COL4A5: variants seen among roughly 807,000 people sequenced by gnomAD.
COL4A5 encodes collagen type IV alpha 5 chain, also known as collagen alpha-5(IV) chain.
A neutral mutation model predicts 130.2 loss-of-function variants in COL4A5; 26 were observed. That is an observed-to-expected ratio of 0.20 (90% CI 0.15 to 0.28). The LOEUF (loss-of-function observed/expected upper bound fraction) is 0.28, where lower values mean the gene tolerates loss of function less well. COL4A5 is among the 10% of genes least tolerant of loss of function. The probability of loss-of-function intolerance (pLI) is 1.00; values close to 1 mark genes in which losing one functional copy is unlikely to be tolerated. For missense variants in COL4A5, 1,131 were observed against 1,344.3 expected (o/e 0.84, Z 2.48); for synonymous variants, 496 against 439.6 (o/e 1.13, Z -1.60).
intron 1 of COL4A5, among the ~76,000 whole-genome samples, chrX:108,523,506 T>C (rs2065286067): frequency 8.9e-6 from 1 of 112,328 alleles, no homozygotes; most frequent in East Asian, 2.8e-4. Flanking sequence ...TTGTAGCAAA[T>C]TTTGAAATTG....
chrX:108,666,533 C>A lies in COL4A5; in HGVS notation c.3492C>A (p.Gly1164=), dbSNP rs967018326. ...ATCCTGGGCAACCAGGGCCTCCAGG[C>A]GAAAAAGGCAAACCCGGTCAAGATG... ...GGHPGQPGPP[G]EKGKPGQDGI... is the part of the protein sequence containing the mutation. Residue 1164 remains glycine (G), a synonymous_variant, in exon 39 of 53, where the codon GGC becomes GGA. Coordinates refer to ENST00000328300, the MANE Select transcript of COL4A5 (RefSeq NM_033380.3). 1 of 1,208,485 alleles carries A rather than the reference C, an allele frequency of 8.3e-7. No homozygotes were observed. Among genetic ancestry groups the A allele is most frequent in the Non-Finnish European group, 1.1e-6 (1 of 893,850 alleles).
At chrX:108,595,225 A>G (rs1187067931) in intron 21 of COL4A5, among the ~76,000 whole-genome samples, 1 of 111,610 alleles carries the variant, frequency 9.0e-6, no homozygotes, top group African/African-American at 3.3e-5. Flanking sequence ...TCCTTTATTG[A>G]TTATTATCCC....
Position 108,550,150 on chromosome X carries a change from T to C in COL4A5, c.142-8914T>C, listed in dbSNP as rs1252156979. Among the ~76,000 whole-genome samples, 3 of 111,703 alleles carry C rather than the reference T, an allele frequency of 2.7e-5. No individual in the cohort carries two copies. In the East Asian group the frequency reaches 8.4e-4, roughly 31 times the overall value. ...TAAATTTATTCAGAAAATAGAGGGA[T>C]ATTGAATGCCCTCCAATTAATTTTG... On this transcript the variant is annotated intron_variant, in intron 2 of 52. Transcript: ENST00000328300.
rs1426921430 is a variant in COL4A5, at chrX:108,645,942, G to A, written c.3247-9389G>A. Among the ~76,000 whole-genome samples the A allele has an allele frequency of 2.7e-5, 3 of 110,828 alleles. No individual in the cohort carries two copies. In the South Asian group the frequency reaches 1.1e-3, roughly 42 times the overall value. ...TTTTAATGGCTGCATAGTATTCCAT[G>A]GTGTATATGTGCCACATTTTCTTAA... On this transcript the variant is annotated intron_variant, in intron 36 of 52. Transcript: ENST00000328300.
chrX:108,526,423 CAA>C (rs2065311728), intron 1 of COL4A5, among the ~76,000 whole-genome samples: 1 of 111,521 alleles, frequency 9.0e-6, no homozygotes, highest in Non-Finnish European at 1.9e-5. Context: ...CTGCCATTCA[CAA>C]AGTCATCTCT....
Position 108,631,761 on chromosome X carries a change from T to A in COL4A5, c.3246+5412T>A, listed in dbSNP as rs375720436. On this transcript the variant is annotated intron_variant, in intron 36 of 52. Transcript: ENST00000328300. ...GTACATAATGAAATTAAGGCAGAAA[T>A]AAAGATTTTCTTTGAAATCAATGAA... 9.9e-5 allele frequency among the ~76,000 whole-genome samples: 11 copies of A among 111,352 alleles called. No individual in the cohort carries two copies. The South Asian group carries it at 3.0e-3, about 30-fold the overall frequency.
chrX:108,605,241 T>G (rs932256511), intron 28 of COL4A5, among the ~76,000 whole-genome samples: 1 of 112,049 alleles, frequency 8.9e-6, no homozygotes, highest in Non-Finnish European at 1.9e-5. Context: ...CTTTTGATTT[T>G]AAGTGAGAGA....
chrX:108,571,527 A>G, intron 7 of COL4A5, 61 bp downstream of exon 7: 2 of 845,387 alleles, frequency 2.4e-6, no homozygotes, highest in African/African-American at 4.0e-5. Context: ...GCAGAAATGT[A>G]GTGAGAGAGC....
chrX:108,531,250 C>T (rs112872949), intron 1 of COL4A5, among the ~76,000 whole-genome samples: 8,688 of 93,423 alleles, frequency 0.093, 1,099 homozygotes, highest in African/African-American at 0.31. Flanking sequence ...AGGAGATATA[C>T]CTAATGCTAA....
intron 47 of COL4A5, among the ~76,000 whole-genome samples, chrX:108,684,697 C>A (rs149513478): frequency 8.9e-6 from 1 of 112,324 alleles, no homozygotes. Flanking sequence ...GATACCATTC[C>A]TTCTGAAACT....
intron 37 of COL4A5, among the ~76,000 whole-genome samples, chrX:108,658,621 T>A (rs748481414): frequency 9.0e-6 from 1 of 111,725 alleles, no homozygotes; most frequent in East Asian, 2.8e-4. Flanking sequence ...TTTATTTTTA[T>A]GTCAGTTTAA....
At chrX:108,652,563 T>C (rs1175453657) in intron 36 of COL4A5, among the ~76,000 whole-genome samples, 1 of 112,534 alleles carries the variant, frequency 8.9e-6, no homozygotes, top group East Asian at 2.8e-4. Flanking sequence ...TGATTAGCTT[T>C]TTTACCAATA....
Position 108,590,716 on chromosome X carries a change from A to G in COL4A5, c.1166-342A>G, listed in dbSNP as rs757603164. On this transcript the variant is annotated intron_variant, in intron 19 of 52. Transcript: ENST00000328300. ...CAGTGTAACAGAAGAATGTCCGGAAACAGAGCCATGTTTATATGGTAACTT... is the reference window on the plus strand; with the variant it reads ...CAGTGTAACAGAAGAATGTCCGGAAGCAGAGCCATGTTTATATGGTAACTT... 3.6e-5 allele frequency among the ~76,000 whole-genome samples: 4 copies of G among 112,106 alleles called. No homozygotes were observed. The South Asian group carries it at 1.5e-3, about 42-fold the overall frequency.
rs2066099516 is a variant in COL4A5 at position 108,573,589 on chromosome X, A to G, written c.481A>G (p.Ile161Val). The change falls in exon 9 of 53, where the codon ATA (isoleucine) becomes GTA (valine). Residue 161 changes from isoleucine (I) to valine (V), a missense_variant. Physicochemically the swap from Ile to Val is conservative, Grantham distance 29. Coordinates refer to ENST00000328300, the MANE Select transcript of COL4A5 (RefSeq NM_033380.3). Reference sequence around the variant, plus strand: ...CTTCTTTTAGGGTGAACCAGGTAGTATAATTATGTCATCACTGCCAGGACC... The same window carrying G: ...CTTCTTTTAGGGTGAACCAGGTAGTGTAATTATGTCATCACTGCCAGGACC... The part of the protein sequence containing the change: ...IPGMKGEPGS[I>V]IMSSLPGPKG... 3 of 1,199,860 alleles carry G rather than the reference A, an allele frequency of 2.5e-6. No homozygotes were observed. The highest frequency in any genetic ancestry group is 2.2e-5 in the Admixed American group (1 of 45,694).
chrX:108,632,665 G>A (rs760103847), intron 36 of COL4A5, among the ~76,000 whole-genome samples: 1 of 110,934 alleles, frequency 9.0e-6, no homozygotes, highest in South Asian at 4.0e-4. Context: ...TGGGATGCAA[G>A]GCTGGTTCAA....
rs2148004605 is a variant in COL4A5, at chrX:108,697,045, G to A, written c.*667G>A. On this transcript the variant is annotated 3_prime_UTR_variant, in exon 53 of 53. Coordinates refer to ENST00000328300, the MANE Select transcript of COL4A5 (RefSeq NM_033380.3). ...ATTTATTTTGAGTTTTATCCCGTAA[G>A]TTCTGTTTTGATTTTTTTTAAAAAA... is the stretch of plus-strand genomic sequence containing the variant. 1 of 111,407 alleles carries A rather than the reference G, an allele frequency of 9.0e-6. No homozygotes were observed. The highest frequency in any genetic ancestry group is 3.7e-4 in the South Asian group (1 of 2,703). The allele number at this position is 111,407 out of a possible 1,213,427, so 9.2% of individuals were successfully genotyped here.
At chrX:108,519,093 A>T (rs779024756) in intron 1 of COL4A5, among the ~76,000 whole-genome samples, 4 of 111,377 alleles carry the variant, frequency 3.6e-5, no homozygotes, top group African/African-American at 1.3e-4. Context: ...TCTTTTATTG[A>T]TAGCATTTGT....
chrX:108,626,476 T>C (rs1312466827), intron 36 of COL4A5, 127 bp downstream of exon 36: 1 of 1,166,388 alleles, frequency 8.6e-7, no homozygotes, highest in Non-Finnish European at 1.2e-6. Context: ...ATAAGAGATT[T>C]ATTCCTTTTC....
At chrX:108,550,845 C>G (rs757902008) in intron 2 of COL4A5, among the ~76,000 whole-genome samples, 1 of 110,690 alleles carries the variant, frequency 9.0e-6, no homozygotes, top group Non-Finnish European at 1.9e-5. Context: ...TAAACAAAAC[C>G]AACAAACTAA....
Sources: gnomAD v4.1 joint callset for allele counts (sites outside exome capture counted in the v4.1 genomes callset) on GRCh38, gnomAD v4.1.1 for gene constraint, MANE v1.5 for transcripts, NCBI Gene and HGNC (gene_info 2026-07-23, HGNC 2026-07-21) for gene names.